The following U2SURP variants were observed in gnomAD, a reference collection of about 807,000 sequenced individuals.
U2SURP encodes U2 snRNP associated SURP domain containing.
In U2SURP, 9 loss-of-function variants were observed where a neutral mutation model predicts 144.9. The ratio of observed to expected loss-of-function variants is 0.06; its 90% CI spans 0.04 to 0.11. The LOEUF is 0.11. Among genes scored for constraint, U2SURP ranks in the 10% least tolerant of loss-of-function variants. The probability of loss-of-function intolerance (pLI) is 1.00; values close to 1 mark genes in which losing one functional copy is unlikely to be tolerated. For synonymous variants in U2SURP, 408 were observed against 396.8 expected (o/e 1.03, Z -0.33); for missense variants, 724 against 1,226.7 (o/e 0.59, Z 6.12).
chr3:143,009,426 C>T (rs966470736), intron 1 of U2SURP, among the ~76,000 whole-genome samples: 3 of 151,886 alleles, frequency 2.0e-5, no homozygotes, highest in Non-Finnish European at 2.9e-5. Context: ...GGTAAAACTC[C>T]GTCTCTACTA....
At position 143,053,605 on chromosome 3, in the gene U2SURP, T is replaced by C. The variant is rs191179519; in HGVS notation, c.2656-71T>C. On this transcript the variant is annotated intron_variant, in intron 25 of 27. Coordinates refer to ENST00000473835, the MANE Select transcript of U2SURP (RefSeq NM_001080415.2). ...AAATTATTTCCTGTAAGAGAAGATA[T>C]TGTTCTATAAATGAGATTAACCCAC... is the stretch of plus-strand genomic sequence containing the variant. 9.8e-5 allele frequency: 96 copies of C among 983,572 alleles called. No individual in the cohort carries two copies. The African/African-American group carries it at 1.3e-3, about 13-fold the overall frequency. The allele number at this position is 983,572 out of a possible 1,614,324, so 60.9% of individuals were successfully genotyped here.
At chr3:143,034,107 A>C (rs1046681597) in intron 18 of U2SURP, among the ~76,000 whole-genome samples, 6 of 152,162 alleles carry the variant, frequency 3.9e-5, no homozygotes, top group Admixed American at 2.6e-4. Context: ...CTGTATTATA[A>C]TTAATGTATA....
chr3:143,051,912 A>G (rs1004553308), intron 25 of U2SURP, among the ~76,000 whole-genome samples: 2 of 152,196 alleles, frequency 1.3e-5, no homozygotes, highest in South Asian at 2.1e-4. Context: ...CTTCATTATA[A>G]GTATTTTAGC....
rs755396268 is a variant in U2SURP at position 143,060,345 on chromosome 3, A to C, written c.*3895A>C. 1 of 151,972 alleles carries C rather than the reference A, an allele frequency of 6.6e-6. No homozygotes were observed. The highest frequency in any genetic ancestry group is 1.5e-5 in the Non-Finnish European group (1 of 67,880). 9.4% of individuals were successfully genotyped at this position (151,972 alleles called of 1,614,324 possible). On this transcript the variant is annotated 3_prime_UTR_variant, in exon 28 of 28. Transcript: ENST00000473835. ...GGCTAAAATATTCTACAGCAAGACA[A>C]TTTCTTTTGGGTGAACTGATTCTAT...
intron 1 of U2SURP, 77 bp from the exon 2 acceptor site, chr3:143,010,738 G>T: frequency 8.6e-7 from 1 of 1,157,780 alleles, no homozygotes; most frequent in Non-Finnish European, 1.2e-6. Context: ...AAACTCTTAA[G>T]TTTGTATAAC....
intron 24 of U2SURP, among the ~76,000 whole-genome samples, chr3:143,047,276 C>T (rs1490530617): frequency 2.4e-5 from 1 of 41,748 alleles, no homozygotes; most frequent in African/African-American, 1.8e-4. Context: ...GGGGGGCTGA[C>T]CCCCCCACCT....
At position 143,046,297 on chromosome 3, in the gene U2SURP, AT is replaced by A. The variant is rs11400849; in HGVS notation, c.2544+3030del. Among the ~76,000 whole-genome samples the A allele has an allele frequency of 6.0e-3, 638 of 106,424 alleles. 3 individuals are homozygous for A. Among genetic ancestry groups the A allele is most frequent in the Non-Finnish European group, 0.01 (519 of 51,696 alleles). 69.8% of individuals were successfully genotyped at this position (106,424 alleles called of 152,430 possible). A position where few individuals can be genotyped will look rare whatever the true frequency, so the allele number is the denominator to read the frequency against. On this transcript the variant is annotated intron_variant, in intron 24 of 27. Coordinates refer to ENST00000473835, the MANE Select transcript of U2SURP (RefSeq NM_001080415.2). The stretch of plus-strand genomic sequence containing the variant: ...TTTTTTTTTTTTTAGTTTATTTTTT[AT>A]TTTTTTTTATTTTTATTTTTTTATT...
chr3:143,029,336 TCAAA>T (rs2108291276), intron 16 of U2SURP, among the ~76,000 whole-genome samples: 1 of 152,338 alleles, frequency 6.6e-6, no homozygotes, highest in South Asian at 2.1e-4. Flanking sequence ...CAACCCTAAG[TCAAA>T]CAAATCTGTT....
rs1042201241 is a variant in U2SURP at position 143,019,900 on chromosome 3, C to T, written c.571-69C>T. 5 of 780,170 alleles carry T rather than the reference C, an allele frequency of 6.4e-6. No individual in the cohort carries two copies. The African/African-American group carries it at 7.2e-5, about 11-fold the overall frequency. 48.3% of individuals were successfully genotyped at this position (780,170 alleles called of 1,614,324 possible). On this transcript the variant is annotated intron_variant, in intron 6 of 27. Coordinates refer to ENST00000473835, the MANE Select transcript of U2SURP (RefSeq NM_001080415.2). The stretch of plus-strand genomic sequence containing the variant: ...TTTGTACTGAAATGATGTAAAAAGG[C>T]TCTTATTATTGAATCATTGGTTTTG...
At chr3:143,051,602 C>CAAAA (rs3041537) in intron 25 of U2SURP, among the ~76,000 whole-genome samples, 75 of 90,494 alleles carry the variant, frequency 8.3e-4, no homozygotes, top group African/African-American at 1.2e-3. Context: ...ACTGTCGTTG[C>CAAAA]AAAAAAAAAA....
chr3:143,040,453 C>T (rs1271485133), intron 23 of U2SURP, among the ~76,000 whole-genome samples: 2 of 151,882 alleles, frequency 1.3e-5, no homozygotes, highest in African/African-American at 4.8e-5. Context: ...CTCACTACTA[C>T]TCTCTAGTGG....
intron 6 of U2SURP, among the ~76,000 whole-genome samples, chr3:143,019,370 T>A (rs1936527265): frequency 6.6e-6 from 1 of 152,200 alleles, no homozygotes; most frequent in Non-Finnish European, 1.5e-5. Flanking sequence ...GAATATTCAT[T>A]CCTGTGGTTT....
At chr3:143,012,507 A>G (rs1936171142) in intron 3 of U2SURP, 154 bp downstream of exon 3, 1 of 629,758 alleles carries the variant, frequency 1.6e-6, no homozygotes, top group African/African-American at 1.9e-5. Flanking sequence ...GGATAACAGT[A>G]AACTCATTTA....
chr3:143,011,366 T>G (rs888595903), intron 2 of U2SURP, among the ~76,000 whole-genome samples: 1 of 152,224 alleles, frequency 6.6e-6, no homozygotes, highest in Non-Finnish European at 1.5e-5. Flanking sequence ...AGTATTTTTT[T>G]AATATATGTT....
chr3:143,044,183 G>A (rs1430654848), intron 24 of U2SURP, among the ~76,000 whole-genome samples: 1 of 151,578 alleles, frequency 6.6e-6, no homozygotes, highest in African/African-American at 2.4e-5. Context: ...AAGGAGAATA[G>A]ACATTGAGTG....
intron 16 of U2SURP, among the ~76,000 whole-genome samples, chr3:143,029,269 G>T (rs554846942): frequency 6.6e-6 from 1 of 152,266 alleles, no homozygotes; most frequent in Admixed American, 6.5e-5. Context: ...GTTTTATTGC[G>T]CTTTGACTTA....
At chr3:143,046,313 A>AT (rs1230807906) in intron 24 of U2SURP, among the ~76,000 whole-genome samples, 2 of 46,548 alleles carry the variant, frequency 4.3e-5, no homozygotes, top group Non-Finnish European at 9.1e-5. Flanking sequence ...TTTTATTTTT[A>AT]TTTTTTTATT....
chr3:143,001,801 C>A, intron 1 of U2SURP, 128 bp downstream of exon 1: 2 of 1,222,016 alleles, frequency 1.6e-6, no homozygotes, highest in South Asian at 1.3e-5. Flanking sequence ...TAGGCCCGGG[C>A]GCCGCCGCAC....
At position 143,037,351 on chromosome 3, in the gene U2SURP, A is replaced by T. The variant is rs1433740086; in HGVS notation, c.2221+16A>T. ...GGAGTGCCTTGTAAGTTCAGATTTC[A>T]AACTGATTAAATCTAGCTAATACAT... On this transcript the variant is annotated intron_variant, in intron 21 of 27. Coordinates refer to ENST00000473835, the MANE Select transcript of U2SURP (RefSeq NM_001080415.2). 6.2e-7 allele frequency: 1 copy of T among 1,607,130 alleles called. No individual in the cohort carries two copies. Among genetic ancestry groups the T allele is most frequent in the African/African-American group, 1.3e-5 (1 of 74,838 alleles).
Sources: gnomAD v4.1 joint callset for allele counts (sites outside exome capture counted in the v4.1 genomes callset) on GRCh38, gnomAD v4.1.1 for gene constraint, MANE v1.5 for transcripts, NCBI Gene and HGNC (gene_info 2026-07-23, HGNC 2026-07-21) for gene names.